The following PALLD variants were observed in gnomAD, a reference collection of about 807,000 sequenced individuals.
The protein encoded by PALLD is palladin.
PALLD carries 61 observed loss-of-function variants against 123.5 expected under a neutral mutation model. The ratio of observed to expected loss-of-function variants is 0.49; its 90% CI spans 0.40 to 0.61. PALLD has a LOEUF of 0.61. PALLD is among the 20% of genes least tolerant of loss of function. The pLI is 0.00. For synonymous variants in PALLD, 465 were observed against 496.4 expected, an observed-to-expected ratio of 0.94 and a Z score of 0.84; for missense variants, 1,273 against 1,377.0, an observed-to-expected ratio of 0.92 and a Z score of 1.20.
At chr4:168,720,711 ATCTTG>A (rs1785921964) in intron 10 of PALLD, among the ~76,000 whole-genome samples, 2 of 152,154 alleles carry the variant, frequency 1.3e-5, no homozygotes, top group Non-Finnish European at 2.9e-5. Context: ...TGTTCCATAA[ATCTTG>A]TCTTAAGAGA....
rs10637670 is a variant in PALLD, at chr4:168,669,800, G to GCACACACACACA, written c.1087+1445_1087+1456dup. On this transcript the variant is annotated intron_variant, in intron 3 of 21. Coordinates refer to ENST00000505667, the MANE Select transcript of PALLD (RefSeq NM_001166108.2). ...AATACTTACATGACACTTACAAAAT[G>GCACACACACACA]CACACACACACACACACACACACAA... is the stretch of plus-strand genomic sequence containing the variant. Among the ~76,000 whole-genome samples the GCACACACACACA allele has an allele frequency of 5.0e-3, 736 of 148,008 alleles. 4 individuals carry two copies. Among genetic ancestry groups the GCACACACACACA allele is most frequent in the African/African-American group, 0.017 (672 of 40,342 alleles).
chr4:168,513,148 A>G (rs539790731), intron 2 of PALLD, among the ~76,000 whole-genome samples: 1 of 152,322 alleles, frequency 6.6e-6, no homozygotes, highest in South Asian at 2.1e-4. Context: ...AGTCTCAGGC[A>G]TGGACTAAAT....
chr4:168,924,511 G>C (rs1762194071), intron 19 of PALLD, 91 bp downstream of exon 19: 1 of 1,231,586 alleles, frequency 8.1e-7, no homozygotes, highest in South Asian at 1.2e-5. Context: ...AAATCTATGT[G>C]TAAAAGCCAC....
intron 2 of PALLD, among the ~76,000 whole-genome samples, chr4:168,534,072 C>T (rs2149488913): frequency 6.6e-6 from 1 of 152,336 alleles, no homozygotes. Context: ...GGGCTTTTAA[C>T]ATCTTAAGCA....
chr4:168,789,191 G>A (rs917268587), intron 10 of PALLD, among the ~76,000 whole-genome samples: 3 of 152,036 alleles, frequency 2.0e-5, no homozygotes, highest in Non-Finnish European at 4.4e-5. Context: ...TTTAGTGTTG[G>A]TGAGCATTTC....
intron 10 of PALLD, among the ~76,000 whole-genome samples, chr4:168,794,118 G>A (rs1015597544): frequency 6.6e-6 from 1 of 152,198 alleles, no homozygotes; most frequent in Admixed American, 6.5e-5. Context: ...CTCCAGGCCC[G>A]CTCCTCCAGC....
At chr4:168,782,900 G>T (rs1403204713) in intron 10 of PALLD, among the ~76,000 whole-genome samples, 4 of 152,088 alleles carry the variant, frequency 2.6e-5, no homozygotes, top group South Asian at 4.2e-4. Context: ...GGGCGACAGA[G>T]TGAGACTCTG....
intron 10 of PALLD, among the ~76,000 whole-genome samples, chr4:168,782,157 G>A (rs916941863): frequency 4.6e-5 from 7 of 152,194 alleles, no homozygotes; most frequent in Non-Finnish European, 1.0e-4. Context: ...GTACAACCGT[G>A]TGACACATTC....
intron 2 of PALLD, among the ~76,000 whole-genome samples, chr4:168,605,277 G>A (rs1295214944): frequency 6.6e-6 from 1 of 151,482 alleles, no homozygotes; most frequent in Non-Finnish European, 1.5e-5. Context: ...CCGATGCCTA[G>A]ACCCCACCCT....
chr4:168,727,060 T>G (rs1786662118), intron 10 of PALLD, among the ~76,000 whole-genome samples: 1 of 152,210 alleles, frequency 6.6e-6, no homozygotes, highest in African/African-American at 2.4e-5. Context: ...ATGATTTCAT[T>G]CTTTTATATG....
intron 1 of PALLD, among the ~76,000 whole-genome samples, chr4:168,509,712 G>T (rs1762353632): frequency 6.6e-6 from 1 of 152,164 alleles, no homozygotes; most frequent in Non-Finnish European, 1.5e-5. Context: ...AGCATGTGGT[G>T]AATCTAATAA....
chr4:168,697,856 C>G (rs977417160), intron 8 of PALLD, among the ~76,000 whole-genome samples: 1 of 152,198 alleles, frequency 6.6e-6, no homozygotes, highest in African/African-American at 2.4e-5. Flanking sequence ...TACCAGCAAT[C>G]TCATTGCTGG....
chr4:168,641,988 G>A (rs1414313907), intron 2 of PALLD, among the ~76,000 whole-genome samples: 1 of 152,180 alleles, frequency 6.6e-6, no homozygotes, highest in Non-Finnish European at 1.5e-5. Context: ...CAGTACACAG[G>A]CACTGCACTG....
At chr4:168,581,530 G>A (rs572549895) in intron 2 of PALLD, among the ~76,000 whole-genome samples, 6 of 151,974 alleles carry the variant, frequency 3.9e-5, no homozygotes, top group Admixed American at 3.9e-4. Context: ...GTATTTGTTG[G>A]CCATTTGTTT....
chr4:168,655,374 T>C (rs1778455162), intron 2 of PALLD, among the ~76,000 whole-genome samples: 1 of 152,232 alleles, frequency 6.6e-6, no homozygotes. Context: ...TCGTGTGCAC[T>C]CATGCCCTGT....
At chr4:168,525,187 C>A (rs1291637932) in intron 2 of PALLD, among the ~76,000 whole-genome samples, 1 of 152,158 alleles carries the variant, frequency 6.6e-6, no homozygotes, top group Non-Finnish European at 1.5e-5. Flanking sequence ...GGGCCCCAAC[C>A]ACACTTTAGT....
chr4:168,745,423 TG>T (rs373208984), intron 10 of PALLD, among the ~76,000 whole-genome samples: 3,598 of 64,972 alleles, frequency 0.055, 213 homozygotes, highest in African/African-American at 0.15. Context: ...GTCTGTGAGA[TG>T]GGAGGGGGGG....
intron 10 of PALLD, among the ~76,000 whole-genome samples, chr4:168,790,015 T>A (rs1179442035): frequency 6.6e-6 from 1 of 152,168 alleles, no homozygotes; most frequent in East Asian, 1.9e-4. Context: ...GACTTTTGCC[T>A]AAGTGTAAGA....
chr4:168,643,256 T>C, intron 2 of PALLD, among the ~76,000 whole-genome samples: 1 of 152,212 alleles, frequency 6.6e-6, no homozygotes, highest in East Asian at 1.9e-4. Flanking sequence ...TCGGGTGGAA[T>C]TCATATCCGG....
Sources: gnomAD v4.1 joint callset for allele counts (sites outside exome capture counted in the v4.1 genomes callset) on GRCh38, gnomAD v4.1.1 for gene constraint, MANE v1.5 for transcripts, NCBI Gene and HGNC (gene_info 2026-07-23, HGNC 2026-07-21) for gene names.